Variants in PPP3R1 observed in about 807,000 individuals in gnomAD.
The protein encoded by PPP3R1 is calcineurin subunit B type 1.
PPP3R1 carries 5 observed loss-of-function variants against 22.6 expected under a neutral mutation model. The observed-to-expected ratio is 0.22, with a 90% CI of 0.12 to 0.46. PPP3R1 has a LOEUF of 0.46. PPP3R1 is among the 20% of genes least tolerant of loss of function. PPP3R1 has a pLI of 0.99. For missense variants in PPP3R1, 61 were observed against 203.2 expected, an observed-to-expected ratio of 0.30 and a Z score of 4.25; for synonymous variants, 56 against 65.2, an observed-to-expected ratio of 0.86 and a Z score of 0.68.
In PPP3R1 at chr2:68,217,113, G is replaced by T; in HGVS notation, c.22C>A (p.Pro8Thr). The change falls in exon 2 of 6, where the codon CCT becomes ACT. Residue 8 changes from proline to threonine, a missense_variant. Coordinates refer to ENST00000234310, the MANE Select transcript of PPP3R1 (RefSeq NM_000945.4). ...TTACAGTGTGAGCACATTTCCAAAG[G>T]ATAACTTGCCTCATTTCCCTGGGGG... The part of the protein sequence containing the change: MGNEASY[P>T]LEMCSHFDAD... 1 of 1,596,692 alleles carries T rather than the reference G, an allele frequency of 6.3e-7. No homozygotes were observed. The highest frequency in any genetic ancestry group is 1.1e-5 in the South Asian group (1 of 88,422).
At chr2:68,184,790 G>A (rs1674499995) in intron 5 of PPP3R1, among the ~76,000 whole-genome samples, 1 of 152,184 alleles carries the variant, frequency 6.6e-6, no homozygotes, top group South Asian at 2.1e-4. Context: ...AAAAGCAACT[G>A]ATTACAAATA....
chr2:68,202,402 GTTT>G (rs1166589892), intron 2 of PPP3R1, among the ~76,000 whole-genome samples: 125 of 114,950 alleles, frequency 1.1e-3, no homozygotes, highest in South Asian at 8.5e-3. Flanking sequence ...TTCTTTTTTC[GTTT>G]TTTGTTGTTG....
At chr2:68,216,255 T>C (rs1381060467) in intron 2 of PPP3R1, among the ~76,000 whole-genome samples, 1 of 152,076 alleles carries the variant, frequency 6.6e-6, no homozygotes, top group Non-Finnish European at 1.5e-5. Context: ...TAAATTAACA[T>C]CCAATCTTTC....
chr2:68,202,058 CTA>C (rs10565955), intron 2 of PPP3R1, among the ~76,000 whole-genome samples: 3,869 of 152,270 alleles, frequency 0.025, 147 homozygotes, highest in African/African-American at 0.085. Flanking sequence ...ATTTCCCCTT[CTA>C]TGTTATCTAA....
chr2:68,201,376 C>A (rs1005825127), intron 2 of PPP3R1, among the ~76,000 whole-genome samples: 3 of 152,236 alleles, frequency 2.0e-5, no homozygotes, highest in Admixed American at 1.3e-4. Flanking sequence ...ATGTGGTTTA[C>A]TGCCAAGAAT....
chr2:68,217,042 A>AGG, intron 2 of PPP3R1, 50 bp downstream of exon 2: 4 of 1,264,330 alleles, frequency 3.2e-6, no homozygotes, highest in Non-Finnish European at 4.5e-6. Context: ...ACACACACAG[A>AGG]GAGAGATGAG....
At chr2:68,227,474 T>C (rs1669804904) in intron 1 of PPP3R1, among the ~76,000 whole-genome samples, 1 of 151,982 alleles carries the variant, frequency 6.6e-6, no homozygotes, top group Non-Finnish European at 1.5e-5. Flanking sequence ...CAAAAGGTGT[T>C]TGGATGCATG....
chr2:68,212,646 G>A (rs1669510049), intron 2 of PPP3R1, among the ~76,000 whole-genome samples: 1 of 152,084 alleles, frequency 6.6e-6, no homozygotes, highest in Non-Finnish European at 1.5e-5. Context: ...TTTCTGAGAG[G>A]TAAGTGTCAA....
At chr2:68,200,705 A>AG (rs1674957009) in intron 2 of PPP3R1, among the ~76,000 whole-genome samples, 1 of 152,216 alleles carries the variant, frequency 6.6e-6, no homozygotes, top group Non-Finnish European at 1.5e-5. Context: ...AAGGAGCCTT[A>AG]GGCATCATTT....
chr2:68,188,644 A>G lies in PPP3R1; in HGVS notation c.90T>C (p.Leu30=). 6.2e-7 allele frequency: 1 copy of G among 1,612,906 alleles called. No homozygotes were observed. Among genetic ancestry groups the G allele is most frequent in the South Asian group, 1.1e-5 (1 of 90,796 alleles). ...TCAAAGAACCAGAATTGTCCAAATC[A>G]AGCTTCTTAAATCTCTTTCCTAGCC... ...IKRLGKRFKK[L]DLDNSGSLSV... The change falls in exon 3 of 6, where the codon CTT becomes CTC. Residue 30 remains leucine (L), a synonymous_variant. Coordinates refer to ENST00000234310, the MANE Select transcript of PPP3R1 (RefSeq NM_000945.4).
chr2:68,229,424 G>C (rs1194266815), intron 1 of PPP3R1, among the ~76,000 whole-genome samples: 2 of 152,282 alleles, frequency 1.3e-5, no homozygotes, highest in African/African-American at 4.8e-5. Flanking sequence ...TACATATGTT[G>C]AGTATCTTTC....
At chr2:68,208,437 G>A (rs1465515036) in intron 2 of PPP3R1, among the ~76,000 whole-genome samples, 3 of 152,118 alleles carry the variant, frequency 2.0e-5, no homozygotes, top group African/African-American at 7.2e-5. Context: ...ACAGAAAACA[G>A]AAAAATGGGC....
intron 1 of PPP3R1, among the ~76,000 whole-genome samples, chr2:68,228,805 C>G (rs1669832702): frequency 6.6e-6 from 1 of 151,946 alleles, no homozygotes; most frequent in African/African-American, 2.4e-5. Context: ...CCTCTCTAAA[C>G]TGCTTTAGTT....
At chr2:68,228,332 G>A (rs796117185) in intron 1 of PPP3R1, among the ~76,000 whole-genome samples, 4 of 152,022 alleles carry the variant, frequency 2.6e-5, no homozygotes, top group Non-Finnish European at 5.9e-5. Context: ...TGAGGATGTT[G>A]GTCCATAGTT....
intron 1 of PPP3R1, among the ~76,000 whole-genome samples, chr2:68,246,581 T>C (rs1670240634): frequency 6.6e-6 from 1 of 152,190 alleles, no homozygotes; most frequent in South Asian, 2.1e-4. Flanking sequence ...TTAAGTTCTC[T>C]TTCTTGATCT....
chr2:68,200,839 C>G (rs975695617), intron 2 of PPP3R1, among the ~76,000 whole-genome samples: 1 of 152,162 alleles, frequency 6.6e-6, no homozygotes, highest in Non-Finnish European at 1.5e-5. Context: ...CTTCTCTCAA[C>G]ATGTATATTA....
chr2:68,249,322 C>T (rs552410713), intron 1 of PPP3R1, among the ~76,000 whole-genome samples: 21 of 151,630 alleles, frequency 1.4e-4, no homozygotes, highest in African/African-American at 4.8e-4. Context: ...TAAAAAGTGG[C>T]CTTTGCCACA....
At chr2:68,227,731 T>C (rs1317420982) in intron 1 of PPP3R1, among the ~76,000 whole-genome samples, 1 of 152,180 alleles carries the variant, frequency 6.6e-6, no homozygotes, top group African/African-American at 2.4e-5. Flanking sequence ...AGTTAAACTA[T>C]ATTTCCTATT....
At chr2:68,236,827 T>C (rs1462970631) in intron 1 of PPP3R1, among the ~76,000 whole-genome samples, 3 of 152,102 alleles carry the variant, frequency 2.0e-5, no homozygotes, top group African/African-American at 7.2e-5. Context: ...CAAGAGCCAT[T>C]GAGATACAAT....
Sources: allele counts gnomAD v4.1 joint callset (sites outside exome capture counted in the v4.1 genomes callset), GRCh38; gene constraint gnomAD v4.1.1; transcripts MANE v1.5; gene names NCBI Gene and HGNC (gene_info 2026-07-23, HGNC 2026-07-21).